MGLL: variants seen among roughly 807,000 people sequenced by gnomAD.
The protein encoded by MGLL is monoglyceride lipase, also known as lysophospholipase homolog.
In MGLL, 7 loss-of-function variants were observed where a neutral mutation model predicts 29.1. The ratio of observed to expected loss-of-function variants is 0.24; its 90% CI spans 0.14 to 0.45. The LOEUF is 0.45. MGLL is among the 20% of genes least tolerant of loss of function. The probability of loss-of-function intolerance (pLI) is 0.99; values close to 1 mark genes in which losing one functional copy is unlikely to be tolerated. For synonymous variants in MGLL, 148 were observed against 168.3 expected (o/e 0.88, Z 0.93); for missense variants, 356 against 413.6 (o/e 0.86, Z 1.21).
chr3:127,740,065 G>T (rs1309067749), intron 3 of MGLL, among the ~76,000 whole-genome samples: 1 of 152,232 alleles, frequency 6.6e-6, no homozygotes, highest in African/African-American at 2.4e-5. Flanking sequence ...GGTCCAGGCC[G>T]CACAGGAATG....
intron 2 of MGLL, among the ~76,000 whole-genome samples, chr3:127,818,489 G>A (rs934680796): frequency 6.6e-6 from 1 of 152,008 alleles, no homozygotes; most frequent in Non-Finnish European, 1.5e-5. Flanking sequence ...GGCTACAGAT[G>A]TGTACCACGG....
At chr3:127,722,984 G>T (rs1325972302) in intron 3 of MGLL, among the ~76,000 whole-genome samples, 1 of 152,228 alleles carries the variant, frequency 6.6e-6, no homozygotes, top group Non-Finnish European at 1.5e-5. Flanking sequence ...AGCTGTGCCT[G>T]AATATTGGCC....
At chr3:127,738,754 G>A (rs2076287349) in intron 3 of MGLL, among the ~76,000 whole-genome samples, 1 of 152,222 alleles carries the variant, frequency 6.6e-6, no homozygotes, top group South Asian at 2.1e-4. Context: ...AGGGGCTTCT[G>A]CAGCAGGGCA....
chr3:127,790,266 G>A (rs567262774), intron 2 of MGLL, among the ~76,000 whole-genome samples: 81 of 152,306 alleles, frequency 5.3e-4, no homozygotes, highest in South Asian at 1.2e-3. Flanking sequence ...AGTGAAACAC[G>A]AGCCCAGCGT....
chr3:127,805,709 T>C (rs1246573912), intron 2 of MGLL, among the ~76,000 whole-genome samples: 6 of 152,210 alleles, frequency 3.9e-5, no homozygotes, highest in Non-Finnish European at 8.8e-5. Context: ...CAAACAGACT[T>C]GGGTTCAAAT....
At chr3:127,732,274 G>C (rs1559930932) in intron 3 of MGLL, among the ~76,000 whole-genome samples, 1 of 152,202 alleles carries the variant, frequency 6.6e-6, no homozygotes, top group South Asian at 2.1e-4. Context: ...ACTTTTCCCA[G>C]AGTTTGTTTC....
intron 6 of MGLL, among the ~76,000 whole-genome samples, chr3:127,705,691 G>A (rs1024788275): frequency 2.5e-4 from 38 of 151,376 alleles, no homozygotes; most frequent in African/African-American, 7.8e-4. Context: ...CAGGAGAATC[G>A]CTTGAATCTG....
intron 5 of MGLL, chr3:127,710,920 G>A (rs2276745): frequency 0.11 from 59,298 of 517,256 alleles, 4,263 homozygotes; most frequent in East Asian, 0.3. Flanking sequence ...GGGAAGTCAC[G>A]TCTGAATTTT....
intron 2 of MGLL, among the ~76,000 whole-genome samples, chr3:127,789,047 G>C (rs1261151678): frequency 2.0e-5 from 3 of 152,164 alleles, no homozygotes; most frequent in Non-Finnish European, 4.4e-5. Flanking sequence ...TCTTGTGCTT[G>C]CAGCTGAACC....
intron 3 of MGLL, among the ~76,000 whole-genome samples, chr3:127,743,032 C>T (rs1325549696): frequency 6.6e-6 from 1 of 152,242 alleles, no homozygotes; most frequent in Non-Finnish European, 1.5e-5. Flanking sequence ...CCGAGCTGGT[C>T]TTGAACTCCT....
At chr3:127,739,207 G>A (rs2076293333) in intron 3 of MGLL, among the ~76,000 whole-genome samples, 1 of 152,174 alleles carries the variant, frequency 6.6e-6, no homozygotes, top group African/African-American at 2.4e-5. Flanking sequence ...GATCAAATCC[G>A]GATCCACCAC....
chr3:127,799,667 C>G (rs2077443283), intron 2 of MGLL, among the ~76,000 whole-genome samples: 1 of 152,188 alleles, frequency 6.6e-6, no homozygotes, highest in African/African-American at 2.4e-5. Flanking sequence ...TGTCTCATCT[C>G]CCGGCTGTGC....
intron 5 of MGLL, chr3:127,711,531 A>G (rs74509500): frequency 6.6e-6 from 1 of 152,082 alleles, no homozygotes; most frequent in African/African-American, 2.4e-5. Flanking sequence ...GTGCACAGAC[A>G]TTTGGGGATG....
chr3:127,816,969 G>A (rs1484247414), intron 2 of MGLL, among the ~76,000 whole-genome samples: 4 of 152,206 alleles, frequency 2.6e-5, no homozygotes, highest in Admixed American at 6.5e-5. Context: ...CCATGTCACC[G>A]ACGGGAAAAT....
At chr3:127,777,901 G>A (rs934704975) in intron 3 of MGLL, among the ~76,000 whole-genome samples, 5 of 152,212 alleles carry the variant, frequency 3.3e-5, no homozygotes, top group African/African-American at 1.2e-4. Flanking sequence ...CTGAATAAAT[G>A]GCAGGAATCA....
intron 3 of MGLL, among the ~76,000 whole-genome samples, chr3:127,726,180 GAAAGA>G (rs1425884579): frequency 0.049 from 2,471 of 50,912 alleles, 76 homozygotes; most frequent in African/African-American, 0.072. Flanking sequence ...AAGAAAGAAA[GAAAGA>G]AAAGAAAAGA....
At position 127,690,449 on chromosome 3, in the gene MGLL, G is replaced by C. The variant is rs996859711; in HGVS notation, c.*1749C>G. 6.6e-6 allele frequency: 1 copy of C among 152,358 alleles called. No individual in the cohort carries two copies. Among genetic ancestry groups the C allele is most frequent in the Non-Finnish European group, 1.5e-5 (1 of 68,142 alleles). 9.4% of individuals were successfully genotyped at this position (152,358 alleles called of 1,614,324 possible). A position where few individuals can be genotyped will look rare whatever the true frequency, so the allele number is the denominator to read the frequency against. The stretch of plus-strand genomic sequence containing the variant: ...GGGTGACCCGTTCCTGGCTCTCATG[G>C]TGTGATCAGGGCTGCTGGAGGGAGG... On this transcript the variant is annotated 3_prime_UTR_variant, in exon 8 of 8. Transcript: ENST00000265052.
chr3:127,749,511 G>A lies in MGLL; in HGVS notation c.263-26945C>T, dbSNP rs141630102. ...CTATTCCTTTACTTCTAGCTCTCCCGCATTCCACATTCCATCCTTTATTCA... is the reference window on the plus strand; with the variant it reads ...CTATTCCTTTACTTCTAGCTCTCCCACATTCCACATTCCATCCTTTATTCA... On this transcript the variant is annotated intron_variant, in intron 3 of 7. Coordinates refer to ENST00000265052, the MANE Select transcript of MGLL (RefSeq NM_007283.7). Among the ~76,000 whole-genome samples, 7 of 152,244 alleles carry A rather than the reference G, an allele frequency of 4.6e-5. No homozygotes were observed. In the East Asian group the frequency reaches 7.7e-4, roughly 17 times the overall value.
At chr3:127,818,421 GCTGGTCTCAAACTC>G (rs965674111) in intron 2 of MGLL, among the ~76,000 whole-genome samples, 2 of 151,722 alleles carry the variant, frequency 1.3e-5, no homozygotes, top group African/African-American at 4.8e-5. Flanking sequence ...CGTTGCCCAG[GCTGGTCTCAAACTC>G]CTGGTCTCAA....
Sources: allele counts gnomAD v4.1 joint callset (sites outside exome capture counted in the v4.1 genomes callset), GRCh38; gene constraint gnomAD v4.1.1; transcripts MANE v1.5; gene names NCBI Gene and HGNC (gene_info 2026-07-23, HGNC 2026-07-21).